Variants in ZP2 observed in about 807,000 individuals in gnomAD.
ZP2 encodes zona pellucida glycoprotein 2, also known as zona pellucida sperm-binding protein 2.
In ZP2, 51 loss-of-function variants were observed where a neutral mutation model predicts 84.0. That is an observed-to-expected ratio of 0.61 (90% CI 0.49 to 0.77). The LOEUF is 0.77. Among genes scored for constraint, ZP2 ranks in the 30% least tolerant of loss-of-function variants. The probability of loss-of-function intolerance (pLI) is 0.00; values close to 1 mark genes in which losing one functional copy is unlikely to be tolerated. For synonymous variants in ZP2, 375 were observed against 330.9 expected, an observed-to-expected ratio of 1.13 and a Z score of -1.45; for missense variants, 909 against 911.9, an observed-to-expected ratio of 1.00 and a Z score of 0.04.
At chr16:21,210,521 C>T (rs1193058328) in intron 2 of ZP2, among the ~76,000 whole-genome samples, 1 of 152,088 alleles carries the variant, frequency 6.6e-6, no homozygotes, top group African/African-American at 2.4e-5. Context: ...GCTTTGTCAA[C>T]AGGTTTTGCA....
chr16:21,209,600 T>C, intron 4 of ZP2, 31 bp downstream of exon 4: 1 of 1,601,854 alleles, frequency 6.2e-7, no homozygotes, highest in South Asian at 1.1e-5. Flanking sequence ...ACTACGTACT[T>C]CCCCAAGAAC....
At chr16:21,198,675 T>G in intron 17 of ZP2, 104 bp downstream of exon 17, 1 of 888,798 alleles carries the variant, frequency 1.1e-6, no homozygotes, top group Non-Finnish European at 1.8e-6. Flanking sequence ...ATTCTTCTAT[T>G]GTTTAGACTC....
At chr16:21,202,959 A>G (rs137959041) in intron 10 of ZP2, among the ~76,000 whole-genome samples, 166 bp downstream of exon 10, 338 of 152,254 alleles carry the variant, frequency 2.2e-3, no homozygotes, top group African/African-American at 7.8e-3. Flanking sequence ...AAAATATCAT[A>G]CTTAGGACCC....
Position 21,201,983 on chromosome 16 carries a change from G to C in ZP2, c.1328C>G (p.Ala443Gly). The change falls in exon 12 of 19, where the codon GCT becomes GGT. Residue 443 changes from alanine to glycine, a missense_variant. Coordinates refer to ENST00000574091, the MANE Select transcript of ZP2 (RefSeq NM_001376232.1). ...GCTTGGAGGAAAATCCGTCCAGAGA[G>C]CATGTATTTCGTTTTCATAGACGAC... ...DKVVYENEIH[A>G]LWTDFPPSKI... The C allele has an allele frequency of 6.2e-7, 1 of 1,614,088 alleles. No homozygotes were observed.
Position 21,201,743 on chromosome 16 carries a change from CT to C in ZP2, c.1466del (p.Lys489SerfsTer7). On this transcript the variant is annotated frameshift_variant, in exon 13 of 19. Transcript: ENST00000574091. LOFTEE classifies it high-confidence loss of function. Reference protein sequence around the residue: ...ESLTPPVASVKLGPFTLILQS... With the variant: ...ESLTPPVASVXLGPFTLILQS... ...GCAGGATCAAGGTAAATGGACCCAA[CT>C]TCACTGAGGCCACTGGAGGAGTAAG... 1 of 1,614,086 alleles carries C rather than the reference CT, an allele frequency of 6.2e-7. No individual in the cohort carries two copies. Among genetic ancestry groups the C allele is most frequent in the Non-Finnish European group, 8.5e-7 (1 of 1,180,024 alleles).
chr16:21,211,409 G>A lies in ZP2; in HGVS notation c.63-14C>T. ...GACCTGTAGGTGCTGGAAAGAGACAGGGAGATAGTCAAGGAAGAATGGACT... is the reference window on the plus strand; with the variant it reads ...GACCTGTAGGTGCTGGAAAGAGACAAGGAGATAGTCAAGGAAGAATGGACT... On this transcript the variant is annotated splice_polypyrimidine_tract_variant and intron_variant, in intron 1 of 18. Transcript: ENST00000574091. 3.1e-6 allele frequency: 5 copies of A among 1,614,150 alleles called. No individual in the cohort carries two copies. Among genetic ancestry groups the A allele is most frequent in the Admixed American group, 1.7e-5 (1 of 60,012 alleles).
At chr16:21,211,803 G>A, upstream of ZP2, 2 of 1,419,076 alleles carry the variant, frequency 1.4e-6, no homozygotes, top group Non-Finnish European at 1.8e-6. Context: ...TGAGTGAATT[G>A]GTGTTTTCCC....
At chr16:21,209,252 C>A (rs950068210) in intron 4 of ZP2, among the ~76,000 whole-genome samples, 3 of 152,196 alleles carry the variant, frequency 2.0e-5, no homozygotes, top group African/African-American at 7.2e-5. Context: ...CTGCAAACCT[C>A]TGTCCCCTGG....
At chr16:21,210,375 G>A (rs1408136177) in intron 2 of ZP2, among the ~76,000 whole-genome samples, 183 bp from the exon 3 acceptor site, 1 of 152,076 alleles carries the variant, frequency 6.6e-6, no homozygotes, top group African/African-American at 2.4e-5. Flanking sequence ...GAACTGTAAG[G>A]AAAATATCAG....
In ZP2 at chr16:21,199,630, G is replaced by A; in HGVS notation, c.1867C>T (p.Leu623Phe). 6.2e-7 allele frequency: 1 copy of A among 1,613,888 alleles called. No individual in the cohort carries two copies. Among genetic ancestry groups the A allele is most frequent in the Non-Finnish European group, 8.5e-7 (1 of 1,179,924 alleles). Residue 623 changes from leucine to phenylalanine, a missense_variant, in exon 16 of 19, where the codon CTC (leucine) becomes TTC (phenylalanine). Physicochemically the swap from Leu to Phe is conservative, Grantham distance 22 (BLOSUM62 0). Transcript: ENST00000574091. ...GAACACAGTGGGGAGTCAGGGGAGA[G>A]TCGATTACAGATTAAGGCACTGCAG... ...FHCSALICNR[L>F]SPDSPLCSVT...
At chr16:21,199,471 A>G in intron 16 of ZP2, 99 bp downstream of exon 16, 1 of 1,107,140 alleles carries the variant, frequency 9.0e-7, no homozygotes, top group Non-Finnish European at 1.3e-6. Context: ...TGGGCAGTAA[A>G]TAAAGTATGA....
At chr16:21,199,689 T>C (rs2093216444) in intron 15 of ZP2, 23 bp from the exon 16 acceptor site, 1 of 1,538,216 alleles carries the variant, frequency 6.5e-7, no homozygotes, top group Admixed American at 1.7e-5. Context: ...GAGAGTTACA[T>C]GGAATCGATG....
upstream of ZP2, chr16:21,211,744 G>A (rs1049775854): frequency 1.1e-5 from 16 of 1,479,702 alleles, 1 homozygote; most frequent in African/African-American, 1.4e-5. Context: ...TCTGCCAGCT[G>A]CCCTGTGGGC....
intron 7 of ZP2, 139 bp downstream of exon 7, chr16:21,205,281 C>T: frequency 1.0e-6 from 1 of 992,000 alleles, no homozygotes; most frequent in Non-Finnish European, 1.5e-6. Context: ...GTGTGAATAC[C>T]CAGCGAAGTG....
At chr16:21,208,388 T>G (rs2093259874) in intron 4 of ZP2, among the ~76,000 whole-genome samples, 1 of 152,188 alleles carries the variant, frequency 6.6e-6, no homozygotes. Flanking sequence ...CACAGAGGGC[T>G]TTAGGGGACC....
Position 21,211,297 on chromosome 16 carries a change from A to G in ZP2, c.151+10T>C, listed in dbSNP as rs965523350. On this transcript the variant is annotated intron_variant, in intron 2 of 18. Coordinates refer to ENST00000574091, the MANE Select transcript of ZP2 (RefSeq NM_001376232.1). ...CTGCTAAGAAGACTTCTGTCACCCA[A>G]GAGACATACCTGGAAAGGCAGGATT... The G allele has an allele frequency of 6.2e-7, 1 of 1,612,666 alleles. No homozygotes were observed.
chr16:21,209,232 T>C (rs1442811670), intron 4 of ZP2, among the ~76,000 whole-genome samples: 1 of 152,106 alleles, frequency 6.6e-6, no homozygotes, highest in Non-Finnish European at 1.5e-5. Context: ...AATGGAGCAA[T>C]CTCAGCTCAC....
intron 3 of ZP2, 67 bp downstream of exon 3, chr16:21,210,042 C>A: frequency 1.4e-6 from 2 of 1,429,442 alleles, no homozygotes; most frequent in Non-Finnish European, 2.0e-6. Context: ...GCTCCCCAAA[C>A]AGGATTGACC....
At chr16:21,197,889 T>A (rs1231317215) in intron 17 of ZP2, 40 bp from the exon 18 acceptor site, 1 of 1,593,880 alleles carries the variant, frequency 6.3e-7, no homozygotes, top group Non-Finnish European at 8.6e-7. Context: ...ATCTTCATGC[T>A]AGTCGATGTG....
Sources: gnomAD v4.1 joint callset for allele counts (sites outside exome capture counted in the v4.1 genomes callset) on GRCh38, gnomAD v4.1.1 for gene constraint, MANE v1.5 for transcripts, NCBI Gene and HGNC (gene_info 2026-07-23, HGNC 2026-07-21) for gene names.